Variants in CABP1 observed in about 807,000 individuals in gnomAD.
CABP1 encodes calcium binding protein 1.
Under a neutral mutation model 34.3 loss-of-function variants are expected in CABP1, and 17 were observed. The observed-to-expected ratio is 0.50, with a 90% CI of 0.34 to 0.74. The LOEUF (loss-of-function observed/expected upper bound fraction) is 0.74. Ranked by LOEUF, CABP1 falls within the 30% of genes least tolerant of loss-of-function variation. CABP1 has a pLI of 0.01. For missense variants in CABP1, 373 were observed against 511.1 expected, an observed-to-expected ratio of 0.73 and a Z score of 2.61; for synonymous variants, 198 against 229.2, an observed-to-expected ratio of 0.86 and a Z score of 1.23.
chr12:120,643,079 G>T (rs897244842), intron 1 of CABP1, among the ~76,000 whole-genome samples: 3 of 150,716 alleles, frequency 2.0e-5, no homozygotes, highest in African/African-American at 2.4e-5. Flanking sequence ...GAGCATTGTA[G>T]CGACGTGCTT....
downstream of CABP1, among the ~76,000 whole-genome samples, chr12:120,669,623 G>A (rs1881181117): frequency 6.6e-6 from 1 of 152,142 alleles, no homozygotes; most frequent in Admixed American, 6.6e-5. Context: ...GCGTAGTGGG[G>A]CATGACTGTA....
intron 1 of CABP1, among the ~76,000 whole-genome samples, chr12:120,648,365 T>C (rs1879646794): frequency 6.6e-6 from 1 of 152,180 alleles, no homozygotes; most frequent in Non-Finnish European, 1.5e-5. Flanking sequence ...TCAGGAACTG[T>C]GTTTCTCTTA....
At chr12:120,655,140 A>G (rs1463723737) in intron 1 of CABP1, among the ~76,000 whole-genome samples, 1 of 152,204 alleles carries the variant, frequency 6.6e-6, no homozygotes, top group Non-Finnish European at 1.5e-5. Flanking sequence ...AGGGGTCACC[A>G]TCTCAGGCTA....
At chr12:120,653,656 C>G (rs757599853) in intron 1 of CABP1, among the ~76,000 whole-genome samples, 1 of 152,178 alleles carries the variant, frequency 6.6e-6, no homozygotes, top group African/African-American at 2.4e-5. Context: ...GCCTCAGCTT[C>G]CCAAGTAGCT....
intron 1 of CABP1, among the ~76,000 whole-genome samples, chr12:120,646,979 G>A (rs1201868570): frequency 6.6e-6 from 1 of 152,214 alleles, no homozygotes; most frequent in Non-Finnish European, 1.5e-5. Context: ...TGCCCCCAAA[G>A]CAGGATGGGA....
intron 1 of CABP1, among the ~76,000 whole-genome samples, chr12:120,653,432 CAGCA>C (rs1299659722): frequency 4.6e-5 from 7 of 152,230 alleles, no homozygotes; most frequent in Admixed American, 2.0e-4. Context: ...CAAGGTCACA[CAGCA>C]AGCAAGTGGC....
At position 120,660,299 on chromosome 12, in the gene CABP1, G is replaced by A. The variant is rs1880545031; in HGVS notation, c.789G>A (p.Glu263=). 1.2e-6 allele frequency: 2 copies of A among 1,613,944 alleles called. No individual in the cohort carries two copies. Among genetic ancestry groups the A allele is most frequent in the Non-Finnish European group, 1.7e-6 (2 of 1,180,032 alleles). ...GCACCATGGGCTACATGCCCACCGA[G>A]ATGGAGCTCATCGAACTGTCCCAGC... is the stretch of plus-strand genomic sequence containing the variant. ...CMRTMGYMPT[E]MELIELSQQI... is the part of the protein sequence containing the mutation. Residue 263 remains glutamate (E), a synonymous_variant, in exon 3 of 6, where the codon GAG becomes GAA. Coordinates refer to ENST00000316803, the MANE Select transcript of CABP1 (RefSeq NM_001033677.2). This position sits in a 1 kb window ranked among gnomAD's most constrained non-coding sequence, Gnocchi z 5.0.
In CABP1 at chr12:120,660,097, G is replaced by A; in HGVS notation, c.686-99G>A. ...CCCCAGCATCCTGGGAAGCTCCTGG[G>A]CCTCTCTTTCCATGCCGGTGGGCCT... On this transcript the variant is annotated intron_variant, in intron 2 of 5. Transcript: ENST00000316803. This position sits in a 1 kb window ranked among gnomAD's most constrained non-coding sequence, Gnocchi z 5.0. The A allele has an allele frequency of 6.7e-7, 1 of 1,492,296 alleles. No homozygotes were observed. Among genetic ancestry groups the A allele is most frequent in the Non-Finnish European group, 9.2e-7 (1 of 1,089,400 alleles). 92.4% of individuals were successfully genotyped at this position (1,492,296 alleles called of 1,614,324 possible). A position where few individuals can be genotyped will look rare whatever the true frequency, so the allele number is the denominator to read the frequency against.
At chr12:120,642,995 G>GGAAAAAA (rs530595621) in intron 1 of CABP1, among the ~76,000 whole-genome samples, 1 of 69,502 alleles carries the variant, frequency 1.4e-5, no homozygotes. Flanking sequence ...CTCAGCTCCT[G>GGAAAAAA]AAAAAAAAAA....
chr12:120,649,126 A>G (rs1318082533), intron 1 of CABP1, among the ~76,000 whole-genome samples: 1 of 151,740 alleles, frequency 6.6e-6, no homozygotes, highest in African/African-American at 2.4e-5. Flanking sequence ...CCCTGATTAA[A>G]CCATTGCGTG....
chr12:120,642,276 C>T (rs1166872168), intron 1 of CABP1, among the ~76,000 whole-genome samples: 1 of 151,996 alleles, frequency 6.6e-6, no homozygotes, highest in Non-Finnish European at 1.5e-5. Flanking sequence ...CTGATTAGAG[C>T]GTTTGCGTGG....
Position 120,660,348 on chromosome 12 carries a change from C to G in CABP1, c.829+9C>G. ...GCAGATCAACATGAACCGTGAGTCC[C>G]TCTACCAGGCATCTGCGTCCCTTCG... On this transcript the variant is annotated intron_variant, in intron 3 of 5. Coordinates refer to ENST00000316803, the MANE Select transcript of CABP1 (RefSeq NM_001033677.2). This position sits in a 1 kb window ranked among gnomAD's most constrained non-coding sequence, Gnocchi z 5.0. 6.2e-7 allele frequency: 1 copy of G among 1,611,440 alleles called. No individual in the cohort carries two copies. The highest frequency in any genetic ancestry group is 1.1e-5 in the South Asian group (1 of 91,022).
the CABP1 span, among the ~76,000 whole-genome samples, chr12:120,678,159 C>G: frequency 6.6e-6 from 1 of 152,232 alleles, no homozygotes; most frequent in African/African-American, 2.4e-5. Flanking sequence ...GCTCCCACCC[C>G]TGCCTTGTGT....
At position 120,661,182 on chromosome 12, in the gene CABP1, G is replaced by A; in HGVS notation, c.1051G>A (p.Val351Met). Residue 351 changes from valine to methionine, a missense_variant, in exon 5 of 6, where the codon GTG becomes ATG. Around this residue, in one of 4 missense-constraint regions of CABP1, gnomAD observed 109 missense variants for 204.8 expected, o/e 0.53. Coordinates refer to ENST00000316803, the MANE Select transcript of CABP1 (RefSeq NM_001033677.2). This position sits in a 1 kb window ranked among gnomAD's most constrained non-coding sequence, Gnocchi z 5.1. ...AGACATAGAGGAAATTATCCGAGAT[G>A]TGGACCTCAATGGGGATGGACGAGT... ...HRDIEEIIRD[V>M]DLNGDGRVDF... 1 of 1,612,036 alleles carries A rather than the reference G, an allele frequency of 6.2e-7. No homozygotes were observed. The highest frequency in any genetic ancestry group is 8.5e-7 in the Non-Finnish European group (1 of 1,179,994).
Position 120,667,176 on chromosome 12 carries a change from GCT to G in CABP1, c.*277_*278del, listed in dbSNP as rs1881059009. On this transcript the variant is annotated 3_prime_UTR_variant, in exon 6 of 6. Coordinates refer to ENST00000316803, the MANE Select transcript of CABP1 (RefSeq NM_001033677.2). ...GGCGCCAAGGGCCATGTGCCCAGCT[GCT>G]GCTGGCTGGGTGGGCCAGGGAGCCC... 2 of 557,772 alleles carry G rather than the reference GCT, an allele frequency of 3.6e-6. No homozygotes were observed. Among genetic ancestry groups the G allele is most frequent in the Admixed American group, 6.2e-5 (2 of 32,062 alleles). 34.6% of individuals were successfully genotyped at this position (557,772 alleles called of 1,614,324 possible).
chr12:120,645,601 G>A (rs1879508724), intron 1 of CABP1, among the ~76,000 whole-genome samples: 1 of 152,070 alleles, frequency 6.6e-6, no homozygotes, highest in Non-Finnish European at 1.5e-5. Flanking sequence ...AAGCCAAGGT[G>A]GGTGGATCAC....
intron 5 of CABP1, among the ~76,000 whole-genome samples, chr12:120,663,504 G>A (rs2137370610): frequency 6.6e-6 from 1 of 152,154 alleles, no homozygotes; most frequent in Admixed American, 6.6e-5. Flanking sequence ...TCGAACTCCT[G>A]GCCTCAAGTG....
chr12:120,668,773 G>A (rs986505017), downstream of CABP1, among the ~76,000 whole-genome samples: 3 of 152,250 alleles, frequency 2.0e-5, no homozygotes, highest in African/African-American at 7.2e-5. Context: ...GGAGAAATCT[G>A]TGGGTAGAAG....
At chr12:120,652,743 C>T (rs893900686) in intron 1 of CABP1, among the ~76,000 whole-genome samples, 14 of 152,126 alleles carry the variant, frequency 9.2e-5, no homozygotes, top group African/African-American at 2.9e-4. Flanking sequence ...GACATTCATT[C>T]GGCAAGAGGG....
Sources: gnomAD v4.1 joint callset for allele counts (sites outside exome capture counted in the v4.1 genomes callset) on GRCh38, gnomAD v4.1.1 for gene constraint, gnomAD v4.1.1 regional missense constraint, Gnocchi (gnomAD v3.1) non-coding constraint, MANE v1.5 for transcripts, NCBI Gene and HGNC (gene_info 2026-07-23, HGNC 2026-07-21) for gene names.